ELOVL5: variants seen among roughly 807,000 people sequenced by gnomAD.
The protein encoded by ELOVL5 is ELOVL fatty acid elongase 5, also known as very long chain fatty acid elongase 5.
ELOVL5 carries 8 observed loss-of-function variants against 38.6 expected under a neutral mutation model. That is an observed-to-expected ratio of 0.21 (90% CI 0.12 to 0.37). ELOVL5 has a LOEUF of 0.37. ELOVL5 is among the 10% of genes least tolerant of loss of function. The pLI is 1.00. For synonymous variants in ELOVL5, 127 were observed against 133.7 expected (o/e 0.95, Z 0.34); for missense variants, 280 against 367.8 (o/e 0.76, Z 1.95).
chr6:53,276,686 C>G (rs1227755473), intron 3 of ELOVL5, among the ~76,000 whole-genome samples: 1 of 152,106 alleles, frequency 6.6e-6, no homozygotes, highest in Non-Finnish European at 1.5e-5. Context: ...GTTAGTAAAA[C>G]ATGGGTCCCT....
chr6:53,292,416 C>G (rs2294852), intron 2 of ELOVL5, among the ~76,000 whole-genome samples: 86,615 of 152,150 alleles, frequency 0.57, 27,342 homozygotes, highest in African/African-American at 0.87. Flanking sequence ...TGCTTAGCCA[C>G]GTTAGTGAAA....
chr6:53,320,456 C>A (rs1237153271), intron 1 of ELOVL5, among the ~76,000 whole-genome samples: 1 of 152,026 alleles, frequency 6.6e-6, no homozygotes, highest in African/African-American at 2.4e-5. Flanking sequence ...CCTGCCTCAG[C>A]CTCCGAGTAG....
intron 2 of ELOVL5, chr6:53,294,433 T>A (rs1373826809): frequency 6.4e-7 from 1 of 1,550,592 alleles, no homozygotes; most frequent in Non-Finnish European, 8.7e-7. Flanking sequence ...GGAGCTGCTG[T>A]AGCCATCCTA....
chr6:53,280,515 T>C (rs1158913833), intron 3 of ELOVL5, among the ~76,000 whole-genome samples: 5 of 152,234 alleles, frequency 3.3e-5, no homozygotes, highest in African/African-American at 1.2e-4. Flanking sequence ...ATAACCCTGA[T>C]GGTTTCATGC....
chr6:53,345,776 C>A (rs1474736577), intron 1 of ELOVL5, among the ~76,000 whole-genome samples: 1 of 151,026 alleles, frequency 6.6e-6, no homozygotes, highest in Non-Finnish European at 1.5e-5. Flanking sequence ...ACAGAGCCCA[C>A]TGGGCAAATA....
rs56156205 is a variant in ELOVL5, at chr6:53,329,194, A to ACTACTG, written c.-9+19617_-9+19622dup. On this transcript the variant is annotated intron_variant, in intron 1 of 7. Coordinates refer to ENST00000304434, the MANE Select transcript of ELOVL5 (RefSeq NM_021814.5). ...TAAAGTATAACTAACTACTACTACTACTACTGCTACTGCTACTGCTACTGC... is the reference window on the plus strand; with the variant it reads ...TAAAGTATAACTAACTACTACTACTACTACTGCTACTGCTACTGCTACTGCTACTGC... Among the ~76,000 whole-genome samples, 9 of 151,482 alleles carry ACTACTG rather than the reference A, an allele frequency of 5.9e-5. No homozygotes were observed. In the South Asian group the frequency reaches 8.3e-4, roughly 14 times the overall value.
intron 1 of ELOVL5, among the ~76,000 whole-genome samples, chr6:53,341,022 A>G (rs1264892606): frequency 6.6e-6 from 1 of 152,196 alleles, no homozygotes; most frequent in Non-Finnish European, 1.5e-5. Flanking sequence ...CAGTCATACT[A>G]ATCCAGCCAC....
At position 53,305,467 on chromosome 6, in the gene ELOVL5, GCTC is replaced by G. The variant is rs1406738799; in HGVS notation, c.-8-9763_-8-9761del. 4.6e-4 allele frequency among the ~76,000 whole-genome samples: 67 copies of G among 146,112 alleles called. 1 individual carries two copies. The highest frequency in any genetic ancestry group is 1.6e-3 in the African/African-American group (61 of 38,980). ...GACGGGGTGGCAGCCGGGCGGAGGG[GCTC>G]CTCACTTCTCAGACGGGGCAGTTGC... On this transcript the variant is annotated intron_variant, in intron 1 of 7. Coordinates refer to ENST00000304434, the MANE Select transcript of ELOVL5 (RefSeq NM_021814.5).
chr6:53,269,159 T>C lies in ELOVL5; in HGVS notation c.868A>G (p.Asn290Asp). 3 of 1,614,036 alleles carry C rather than the reference T, an allele frequency of 1.9e-6. No individual in the cohort carries two copies. The highest frequency in any genetic ancestry group is 2.7e-5 in the African/African-American group (2 of 75,046). ...TTCCGCAGCTTCCTTGGCTTCACAT[T>C]GTTTTCCAGGGGTGAAAAGCTGTTG... ...HTNSFSPLEN[N>D]VKPRKLRKD The change falls in exon 8 of 8, where the codon AAT (asparagine) becomes GAT (aspartate). Residue 290 changes from asparagine (N) to aspartate (D), a missense_variant. Physicochemically the swap from Asn to Asp is conservative, Grantham distance 23. This residue lies in a region of ELOVL5 where 125 missense variants were observed against 158.9 expected (regional missense o/e 0.79). Transcript: ENST00000304434.
chr6:53,287,959 T>C, intron 3 of ELOVL5: 1 of 1,534,178 alleles, frequency 6.5e-7, no homozygotes, highest in Non-Finnish European at 8.7e-7. Flanking sequence ...CAAACACAAT[T>C]AGATCCTCTC....
intron 1 of ELOVL5, among the ~76,000 whole-genome samples, chr6:53,344,409 A>G (rs1235906654): frequency 6.6e-6 from 1 of 152,082 alleles, no homozygotes; most frequent in Non-Finnish European, 1.5e-5. Context: ...TAACAAACCC[A>G]CAACAATCCA....
intron 1 of ELOVL5, among the ~76,000 whole-genome samples, chr6:53,305,465 G>A (rs1355809116): frequency 6.0e-5 from 9 of 149,510 alleles, no homozygotes; most frequent in East Asian, 2.0e-4. Context: ...CCGGGCGGAG[G>A]GGCTCCTCAC....
chr6:53,348,825 C>A lies in ELOVL5; in HGVS notation c.-17G>T, dbSNP rs1156641196. The A allele has an allele frequency of 2.2e-6, 1 of 457,084 alleles. No individual in the cohort carries two copies. Among genetic ancestry groups the A allele is most frequent in the East Asian group, 7.0e-5 (1 of 14,238 alleles). The allele number at this position is 457,084 out of a possible 1,614,324, so 28.3% of individuals were successfully genotyped here. A position where few individuals can be genotyped will look rare whatever the true frequency, so the allele number is the denominator to read the frequency against. On this transcript the variant is annotated 5_prime_UTR_variant, in exon 1 of 8. Transcript: ENST00000304434. ...GGAGCTGACGGCTTTACCTTTTAGC[C>A]CAAGGGGCGGCAGCAGCTTTGAGCA...
intron 4 of ELOVL5, among the ~76,000 whole-genome samples, chr6:53,275,778 G>A (rs1171942019): frequency 2.0e-5 from 3 of 152,158 alleles, no homozygotes; most frequent in Non-Finnish European, 2.9e-5. Flanking sequence ...GCTGAGCTGC[G>A]ACTGTTGGCC....
chr6:53,348,675 G>C, intron 1 of ELOVL5, 142 bp downstream of exon 1: 1 of 349,364 alleles, frequency 2.9e-6, no homozygotes, highest in Non-Finnish European at 5.6e-6. Context: ...GCGGAGCGCG[G>C]GTTGCCCCGG....
chr6:53,278,926 C>G (rs544780517), intron 3 of ELOVL5, among the ~76,000 whole-genome samples: 1 of 152,230 alleles, frequency 6.6e-6, no homozygotes, highest in Non-Finnish European at 1.5e-5. Context: ...GGTATTTAGT[C>G]TTCCACAACG....
chr6:53,339,135 A>T (rs1229830370), intron 1 of ELOVL5, among the ~76,000 whole-genome samples: 2 of 152,212 alleles, frequency 1.3e-5, no homozygotes, highest in African/African-American at 4.8e-5. Flanking sequence ...AAATGGGGGA[A>T]AATCCTGCTA....
intron 1 of ELOVL5, among the ~76,000 whole-genome samples, chr6:53,311,489 C>G (rs1261809710): frequency 6.6e-6 from 1 of 151,950 alleles, no homozygotes; most frequent in Non-Finnish European, 1.5e-5. Context: ...AGGTATATAC[C>G]CAAAGAAATG....
chr6:53,270,792 GA>G, intron 6 of ELOVL5, 65 bp from the exon 7 acceptor site: 1 of 1,585,040 alleles, frequency 6.3e-7, no homozygotes. Flanking sequence ...ACACCAGGCA[GA>G]CTTTTTAACC....
Sources: gnomAD v4.1 joint callset for allele counts (sites outside exome capture counted in the v4.1 genomes callset) on GRCh38, gnomAD v4.1.1 for gene constraint, gnomAD v4.1.1 regional missense constraint, MANE v1.5 for transcripts, NCBI Gene and HGNC (gene_info 2026-07-23, HGNC 2026-07-21) for gene names.